Variants in OTOP1 observed in about 807,000 individuals in gnomAD.
The protein encoded by OTOP1 is proton channel OTOP1.
OTOP1 carries 59 observed loss-of-function variants against 52.9 expected under a neutral mutation model. That is an observed-to-expected ratio of 1.12 (90% CI 0.91 to 1.39). The LOEUF (loss-of-function observed/expected upper bound fraction) is 1.39, where lower values mean the gene tolerates loss of function less well. OTOP1 is among the 40% of genes most tolerant of loss of function. The probability of loss-of-function intolerance (pLI) is 0.00; values close to 1 mark genes in which losing one functional copy is unlikely to be tolerated. For missense variants in OTOP1, 761 were observed against 800.9 expected, an observed-to-expected ratio of 0.95 and a Z score of 0.60; for synonymous variants, 317 against 337.7, an observed-to-expected ratio of 0.94 and a Z score of 0.67.
intron 2 of OTOP1, among the ~76,000 whole-genome samples, chr4:4,210,307 T>C (rs554901109): frequency 6.6e-6 from 1 of 152,346 alleles, no homozygotes; most frequent in East Asian, 1.9e-4. Flanking sequence ...TCCCCTGGAA[T>C]GAGCAGCCAG....
At chr4:4,219,814 T>A (rs1449777826) in intron 1 of OTOP1, among the ~76,000 whole-genome samples, 1 of 142,570 alleles carries the variant, frequency 7.0e-6, no homozygotes, top group African/African-American at 2.5e-5. Flanking sequence ...TATACGTGTA[T>A]ATATGTATAC....
At chr4:4,204,751 C>A (rs1383549005) in intron 3 of OTOP1, among the ~76,000 whole-genome samples, 1 of 122,210 alleles carries the variant, frequency 8.2e-6, no homozygotes, top group Non-Finnish European at 1.7e-5. Flanking sequence ...TGTGTGTGTG[C>A]GTGTGCATGG....
chr4:4,215,290 A>G (rs1717116276), intron 1 of OTOP1, among the ~76,000 whole-genome samples: 1 of 152,192 alleles, frequency 6.6e-6, no homozygotes, highest in Admixed American at 6.5e-5. Context: ...CTTTTTCAAA[A>G]AGGAGCAATT....
intron 5 of OTOP1, among the ~76,000 whole-genome samples, chr4:4,193,206 G>A (rs540894178): frequency 6.6e-6 from 1 of 152,142 alleles, no homozygotes; most frequent in East Asian, 1.9e-4. Flanking sequence ...GTCATATCCA[G>A]TGAGCCCTGC....
rs568370977 is a variant in OTOP1, at chr4:4,210,775, G to C, written c.540+2093C>G. 3.3e-5 allele frequency among the ~76,000 whole-genome samples: 5 copies of C among 152,230 alleles called. No homozygotes were observed. The South Asian group carries it at 1.0e-3, about 32-fold the overall frequency. On this transcript the variant is annotated intron_variant, in intron 2 of 5. Coordinates refer to ENST00000296358, the MANE Select transcript of OTOP1 (RefSeq NM_177998.3). Reference sequence around the variant, plus strand: ...CAACCCAGGAGACGGAAGTTGCAGTGAGCCAAGATTACGCCATTGCACTGC... The same window carrying C: ...CAACCCAGGAGACGGAAGTTGCAGTCAGCCAAGATTACGCCATTGCACTGC...
At chr4:4,224,459 G>T (rs1443363410) in intron 1 of OTOP1, among the ~76,000 whole-genome samples, 1 of 151,998 alleles carries the variant, frequency 6.6e-6, no homozygotes, top group Non-Finnish European at 1.5e-5. Flanking sequence ...GGAGAAAAAA[G>T]GATGGAGGAG....
At chr4:4,198,138 T>G (rs1716695698) in intron 4 of OTOP1, 35 bp from the exon 5 acceptor site, 3 of 1,553,608 alleles carry the variant, frequency 1.9e-6, no homozygotes, top group Non-Finnish European at 2.7e-6. Context: ...AGGAGGGCGA[T>G]TAGCAGGTGC....
intron 2 of OTOP1, among the ~76,000 whole-genome samples, chr4:4,208,826 G>T (rs1716966086): frequency 6.6e-6 from 1 of 151,978 alleles, no homozygotes; most frequent in Non-Finnish European, 1.5e-5. Flanking sequence ...AAATATGTTG[G>T]ATTTACTTGG....
chr4:4,205,834 C>A (rs1716894167), intron 3 of OTOP1, among the ~76,000 whole-genome samples: 1 of 152,212 alleles, frequency 6.6e-6, no homozygotes, highest in Non-Finnish European at 1.5e-5. Context: ...AGAAAAGTGT[C>A]TAAGATGCAG....
chr4:4,216,330 G>GA (rs34152457), intron 1 of OTOP1, among the ~76,000 whole-genome samples: 9 of 152,204 alleles, frequency 5.9e-5, no homozygotes, highest in Non-Finnish European at 1.3e-4. Flanking sequence ...AAATTAGTGA[G>GA]AAAAAGGCAG....
At position 4,197,677 on chromosome 4, in the gene OTOP1, G is replaced by T. The variant is rs547101628; in HGVS notation, c.1157C>A (p.Ala386Asp). 1 of 1,613,550 alleles carries T rather than the reference G, an allele frequency of 6.2e-7. No homozygotes were observed. Among genetic ancestry groups the T allele is most frequent in the Non-Finnish European group, 8.5e-7 (1 of 1,179,974 alleles). The change falls in exon 5 of 6, where the codon GCC becomes GAC. Residue 386 changes from alanine to aspartate, a missense_variant. Physicochemically the swap from Ala to Asp is moderately radical, Grantham distance 126. Coordinates refer to ENST00000296358, the MANE Select transcript of OTOP1 (RefSeq NM_177998.3). ...EKSLDESKNP[A>D]RKLDSDLLVG... ...CAAGAGGTCCGAGTCCAGTTTGCGG[G>T]CCGGATTTTTGGACTCATCCAGTGA...
chr4:4,217,022 C>T (rs1167345799), intron 1 of OTOP1, among the ~76,000 whole-genome samples: 1 of 152,200 alleles, frequency 6.6e-6, no homozygotes, highest in Non-Finnish European at 1.5e-5. Context: ...GTGGGGCTGC[C>T]ACTGTTGATC....
intron 5 of OTOP1, among the ~76,000 whole-genome samples, chr4:4,193,874 CT>C (rs1261714712): frequency 6.6e-6 from 1 of 151,698 alleles, no homozygotes; most frequent in Non-Finnish European, 1.5e-5. Flanking sequence ...GGAAAAACAA[CT>C]TTTCAGAACT....
At chr4:4,199,255 A>T (rs1190652190) in intron 4 of OTOP1, among the ~76,000 whole-genome samples, 19 of 91,596 alleles carry the variant, frequency 2.1e-4, no homozygotes, top group South Asian at 7.2e-4. Flanking sequence ...AGAGAGAGAG[A>T]GAGAGAGAGA....
chr4:4,207,559 T>G (rs1262396900), intron 2 of OTOP1, among the ~76,000 whole-genome samples: 1 of 151,410 alleles, frequency 6.6e-6, no homozygotes, highest in East Asian at 1.9e-4. Flanking sequence ...CTTTTTTTTT[T>G]AGAATTACCA....
chr4:4,224,017 T>A (rs1717363547), intron 1 of OTOP1, among the ~76,000 whole-genome samples: 1 of 140,640 alleles, frequency 7.1e-6, no homozygotes, highest in African/African-American at 2.7e-5. Context: ...GAAGGAAAGA[T>A]GAAGGAGGAG....
At chr4:4,198,446 A>G (rs1716703007) in intron 4 of OTOP1, among the ~76,000 whole-genome samples, 3 of 152,168 alleles carry the variant, frequency 2.0e-5, no homozygotes. Context: ...GAAGGACACA[A>G]ACTAAAATGT....
In OTOP1 at chr4:4,212,757, A is replaced by G; in HGVS notation, c.540+111T>C. ...CAGATTTCAGTTCACTGCAGTTCAC[A>G]GCTGTGCACACTGTCTCCACCTGCC... On this transcript the variant is annotated intron_variant, in intron 2 of 5. Transcript: ENST00000296358. 3.3e-6 allele frequency: 4 copies of G among 1,225,622 alleles called. No individual in the cohort carries two copies. In the South Asian group the frequency reaches 5.6e-5, roughly 17 times the overall value. 75.9% of individuals were successfully genotyped at this position (1,225,622 alleles called of 1,614,324 possible). A position where few individuals can be genotyped will look rare whatever the true frequency, so the allele number is the denominator to read the frequency against.
In OTOP1 at chr4:4,197,732, C is replaced by T. The variant is rs1460426057; in HGVS notation, c.1102G>A (p.Gly368Arg). The change falls in exon 5 of 6, where the codon GGA (glycine) becomes AGA (arginine). Residue 368 changes from glycine to arginine, a missense_variant. Physicochemically the swap from Gly to Arg is moderately radical, Grantham distance 125 (BLOSUM62 -2). This residue lies in a region of OTOP1 where 632 missense variants were observed against 619.5 expected (regional missense o/e 1.02). Transcript: ENST00000296358. ...LMLMGAAGLA[G>R]IRIYRIDEKS... ...TCGTCTATCCTGTAAATCCGGATTC[C>T]AGCCAGCCCCGCAGCCCCCATAAGC... is the stretch of plus-strand genomic sequence containing the variant. 1 of 1,613,918 alleles carries T rather than the reference C, an allele frequency of 6.2e-7. No individual in the cohort carries two copies. Among genetic ancestry groups the T allele is most frequent in the Non-Finnish European group, 8.5e-7 (1 of 1,179,994 alleles).
Sources: allele counts gnomAD v4.1 joint callset (sites outside exome capture counted in the v4.1 genomes callset), GRCh38; gene constraint gnomAD v4.1.1; regional missense constraint gnomAD v4.1.1; transcripts MANE v1.5; gene names NCBI Gene and HGNC (gene_info 2026-07-23, HGNC 2026-07-21).